CROCC2: variants seen among roughly 807,000 people sequenced by gnomAD.
CROCC2 encodes the protein ciliary rootlet coiled-coil, rootletin family member 2, also known as ciliary rootlet coiled-coil protein 2.
Under a neutral mutation model 177.6 loss-of-function variants are expected in CROCC2, and 163 were observed. The ratio of observed to expected loss-of-function variants is 0.92; its 90% confidence interval spans 0.81 to 1.05. The LOEUF is 1.05. Ranked by LOEUF, CROCC2 falls within the 50% of genes least tolerant of loss-of-function variation. The pLI, the probability that CROCC2 is intolerant of heterozygous loss-of-function variation, is 0.00. For missense variants in CROCC2, 1,929 were observed against 1,797.8 expected (o/e 1.07, Z -1.32); for synonymous variants, 904 against 787.3 (o/e 1.15, Z -2.48).
chr2:240,991,702 G>GC (rs998474222), intron 31 of CROCC2, among the ~76,000 whole-genome samples: 8 of 152,138 alleles, frequency 5.3e-5, no homozygotes, highest in Non-Finnish European at 1.0e-4. Flanking sequence ...CTCCCAGCCT[G>GC]CCCCCGCCTG....
intron 13 of CROCC2, 86 bp from the exon 14 acceptor site, chr2:240,935,272 G>GC: frequency 7.9e-7 from 1 of 1,263,562 alleles, no homozygotes; most frequent in Non-Finnish European, 1.0e-6. Context: ...GGAAGACAGT[G>GC]CCCCGGGGCA....
intron 4 of CROCC2, among the ~76,000 whole-genome samples, chr2:240,923,451 G>A (rs1446067154): frequency 5.5e-4 from 30 of 54,196 alleles, no homozygotes; most frequent in African/African-American, 1.9e-3. Flanking sequence ...GTACTAACCC[G>A]GCCCCCCACA....
At chr2:240,959,821 G>A in intron 20 of CROCC2, 1 of 170,168 alleles carries the variant, frequency 5.9e-6, no homozygotes, top group Non-Finnish European at 1.2e-5. Context: ...CTGGGTCACG[G>A]TGCCAGCTGA....
chr2:240,989,417 G>A (rs2059862139), intron 29 of CROCC2, among the ~76,000 whole-genome samples: 1 of 152,094 alleles, frequency 6.6e-6, no homozygotes, highest in Non-Finnish European at 1.5e-5. Context: ...ACAGATTTTA[G>A]GCCCACCCTG....
intron 20 of CROCC2, chr2:240,963,170 G>T: frequency 4.6e-6 from 1 of 217,194 alleles, no homozygotes; most frequent in Non-Finnish European, 9.2e-6. Flanking sequence ...CCTAAGGAGA[G>T]GACTAGACGC....
At chr2:240,963,475 T>G in intron 20 of CROCC2, 81 bp from the exon 21 acceptor site, 1 of 1,377,178 alleles carries the variant, frequency 7.3e-7, no homozygotes, top group Non-Finnish European at 9.7e-7. Flanking sequence ...TGCCACACCA[T>G]GTCAGAGGCC....
intron 2 of CROCC2, among the ~76,000 whole-genome samples, chr2:240,919,619 C>G (rs1326149065): frequency 1.3e-5 from 2 of 152,190 alleles, no homozygotes; most frequent in Non-Finnish European, 2.9e-5. Context: ...ACTCGGGGAC[C>G]AGGTCCCTTC....
chr2:240,964,172 C>A, intron 21 of CROCC2: 1 of 547,250 alleles, frequency 1.8e-6, no homozygotes, highest in Non-Finnish European at 3.3e-6. Flanking sequence ...AGGTACCAGG[C>A]TAGGCTGGAT....
At position 240,989,780 on chromosome 2, in the gene CROCC2, C is replaced by G; in HGVS notation, c.4810C>G (p.Leu1604Val). ...HGARPQATQA[L>V]ESQEWTHQQQ... is the part of the protein sequence containing the mutation. ...GGCCCGGCCGCAGGCCACGCAGGCC[C>G]TGGAGTCCCAAGAATGGACCCACCA... The change falls in exon 30 of 32, where the codon CTG (leucine) becomes GTG (valine). Residue 1604 changes from leucine (L) to valine (V), a missense_variant. By Grantham distance (32) the Leu-to-Val change is conservative. This residue lies in a region of CROCC2 where 388 missense variants were observed against 352.7 expected (regional missense o/e 1.10). Coordinates refer to ENST00000690015, the MANE Select transcript of CROCC2 (RefSeq NM_001351305.2). The G allele has an allele frequency of 6.5e-7, 1 of 1,550,016 alleles. No individual in the cohort carries two copies. The highest frequency in any genetic ancestry group is 8.7e-7 in the Non-Finnish European group (1 of 1,146,656).
chr2:240,988,619 C>A, intron 28 of CROCC2, 120 bp from the exon 29 acceptor site: 1 of 1,093,210 alleles, frequency 9.1e-7, no homozygotes, highest in Non-Finnish European at 1.2e-6. Context: ...CCTGACGCTG[C>A]CAGCTCTTAG....
chr2:240,975,563 C>T (rs1049106638), intron 27 of CROCC2, among the ~76,000 whole-genome samples: 1 of 152,118 alleles, frequency 6.6e-6, no homozygotes, highest in Admixed American at 6.5e-5. Context: ...GTGTCCTGTC[C>T]TTCTCTGTGC....
chr2:240,968,044 A>G (rs2059695436), intron 26 of CROCC2, 85 bp from the exon 27 acceptor site: 5 of 1,287,876 alleles, frequency 3.9e-6, no homozygotes, highest in Non-Finnish European at 5.0e-6. Flanking sequence ...GGAGCCAGTC[A>G]CTCAAGTCCA....
At chr2:240,984,723 TCAATCCACACACACACCCAGG>T (rs2059825999) in intron 28 of CROCC2, among the ~76,000 whole-genome samples, 1 of 28,866 alleles carries the variant, frequency 3.5e-5, no homozygotes. Context: ...ACCCAGGCAC[TCAATCCACACACACACCCAGG>T]CACTCCACAC....
intron 1 of CROCC2, among the ~76,000 whole-genome samples, chr2:240,912,112 C>T (rs1247230426): frequency 6.6e-6 from 1 of 152,198 alleles, no homozygotes; most frequent in African/African-American, 2.4e-5. Context: ...CGCTTCTTTT[C>T]CTCTCTGACG....
At chr2:240,935,870 A>T (rs905034158) in intron 14 of CROCC2, among the ~76,000 whole-genome samples, 3 of 152,214 alleles carry the variant, frequency 2.0e-5, no homozygotes, top group African/African-American at 7.2e-5. Flanking sequence ...CTGGGCTCTT[A>T]GTGAGCTTTG....
At chr2:240,967,497 G>A (rs914201598) in intron 26 of CROCC2, 32 bp downstream of exon 26, 17 of 1,545,962 alleles carry the variant, frequency 1.1e-5, no homozygotes, top group Non-Finnish European at 1.4e-5. Flanking sequence ...CGCCCACCCT[G>A]GGAGTGGCTG....
chr2:240,919,828 C>T (rs1372752098), intron 2 of CROCC2, among the ~76,000 whole-genome samples, 155 bp from the exon 3 acceptor site: 7 of 152,150 alleles, frequency 4.6e-5, no homozygotes, highest in South Asian at 4.1e-4. Context: ...GTTAGGGTCC[C>T]GGGCTCAGAT....
chr2:240,987,794 C>T (rs1157246951), intron 28 of CROCC2, among the ~76,000 whole-genome samples: 5 of 152,242 alleles, frequency 3.3e-5, no homozygotes, highest in East Asian at 1.9e-4. Context: ...GCATGACCCT[C>T]GGGGCTGGGC....
chr2:240,949,454 C>A lies in CROCC2; in HGVS notation c.2483-79C>A. Reference sequence around the variant, plus strand: ...GAGTGGACAGTGCTTGCCCCCAAGACTGTCACTCCCTAGGAAGTCCCAAAG... The same window carrying A: ...GAGTGGACAGTGCTTGCCCCCAAGAATGTCACTCCCTAGGAAGTCCCAAAG... On this transcript the variant is annotated intron_variant, in intron 16 of 31. Transcript: ENST00000690015. This position sits in a 1 kb window ranked among gnomAD's most constrained non-coding sequence, Gnocchi z 4.5. 6.7e-7 allele frequency: 1 copy of A among 1,484,364 alleles called. No individual in the cohort carries two copies. The allele number at this position is 1,484,364 out of a possible 1,614,324, so 91.9% of individuals were successfully genotyped here. A position where few individuals can be genotyped will look rare whatever the true frequency, so the allele number is the denominator to read the frequency against.
Sources: allele counts gnomAD v4.1 joint callset (sites outside exome capture counted in the v4.1 genomes callset), GRCh38; gene constraint gnomAD v4.1.1; regional missense constraint gnomAD v4.1.1; non-coding constraint Gnocchi (gnomAD v3.1); transcripts MANE v1.5; gene names NCBI Gene and HGNC (gene_info 2026-07-23, HGNC 2026-07-21).